Variants in HDHD2 observed in about 807,000 individuals in gnomAD.
HDHD2 encodes the protein haloacid dehalogenase like hydrolase domain containing 2.
Under a neutral mutation model 24.8 loss-of-function variants are expected in HDHD2, and 26 were observed. The ratio of observed to expected loss-of-function variants is 1.05; its 90% confidence interval spans 0.77 to 1.45. The LOEUF (loss-of-function observed/expected upper bound fraction) is 1.45. Among genes scored for constraint, HDHD2 ranks in the 40% most tolerant of loss-of-function variants. The pLI is 0.00. For missense variants in HDHD2, 299 were observed against 313.4 expected, an observed-to-expected ratio of 0.95 and a Z score of 0.35; for synonymous variants, 128 against 114.9, an observed-to-expected ratio of 1.11 and a Z score of -0.73.
At position 47,134,619 on chromosome 18, in the gene HDHD2, A is replaced by G. The variant is rs751675721; in HGVS notation, c.187T>C (p.Leu63=). 15 of 1,613,910 alleles carry G rather than the reference A, an allele frequency of 9.3e-6. No individual in the cohort carries two copies. Among genetic ancestry groups the G allele is most frequent in the African/African-American group, 2.7e-5 (2 of 74,898 alleles). ...TCATCTTCAGAGATATCAAATTCCA[A>G]TTTTCTCAACCTTTCTAACAGGTCT... ...KQDLLERLRK[L]EFDISEDEIF... Residue 63 remains leucine (L), a synonymous_variant, in exon 3 of 7, where the codon TTG becomes CTG. Transcript: ENST00000300605.
chr18:47,110,165 G>C (rs1009817105), intron 6 of HDHD2: 1 of 985,266 alleles, frequency 1.0e-6, no homozygotes. Flanking sequence ...ACTACTTTAA[G>C]AGGCTTTGCC....
intron 1 of HDHD2, among the ~76,000 whole-genome samples, chr18:47,138,095 C>G (rs1373861839): frequency 7.1e-6 from 1 of 141,826 alleles, no homozygotes; most frequent in Non-Finnish European, 1.5e-5. Flanking sequence ...TCACTTGAAC[C>G]CGGGAAGTGG....
At chr18:47,137,026 CA>C in intron 1 of HDHD2, 2 of 687,742 alleles carry the variant, frequency 2.9e-6, no homozygotes, top group Non-Finnish European at 2.7e-6. Flanking sequence ...CCATGGCCAA[CA>C]AAAAGCCCAA....
intron 4 of HDHD2, among the ~76,000 whole-genome samples, chr18:47,126,094 C>G (rs911388407): frequency 6.6e-6 from 1 of 152,166 alleles, no homozygotes; most frequent in Non-Finnish European, 1.5e-5. Context: ...ATCTCAAGTT[C>G]TGAAGTCTTA....
At position 47,111,010 on chromosome 18, in the gene HDHD2, A is replaced by G. The variant is rs118154849; in HGVS notation, c.676+1967T>C. 1,861 of 985,112 alleles carry G rather than the reference A, an allele frequency of 1.9e-3. 4 individuals are homozygous for G. Among genetic ancestry groups the G allele is most frequent in the Non-Finnish European group, 2.1e-3 (1,709 of 829,642 alleles). 61.0% of individuals were successfully genotyped at this position (985,112 alleles called of 1,614,324 possible). On this transcript the variant is annotated intron_variant, in intron 6 of 6. Transcript: ENST00000300605. The stretch of plus-strand genomic sequence containing the variant: ...TTTACGGTTATTTTCAACACTGGGA[A>G]GCCTAGCACTTGTCCACTGCACTGA...
At position 47,128,680 on chromosome 18, in the gene HDHD2, A is replaced by G. The variant is rs564228669; in HGVS notation, c.395+1564T>C. Among the ~76,000 whole-genome samples, 3 of 152,378 alleles carry G rather than the reference A, an allele frequency of 2.0e-5. No individual in the cohort carries two copies. The East Asian group carries it at 5.8e-4, about 29-fold the overall frequency. ...CCTTTTAAACAAGAGCTTGACTATC[A>G]CAGTGACTAGAGTCACAAATAAAAG... On this transcript the variant is annotated intron_variant, in intron 4 of 6. Transcript: ENST00000300605.
Position 47,115,134 on chromosome 18 carries a change from C to G in HDHD2, c.610G>C (p.Asp204His). The change falls in exon 5 of 7, where the codon GAT becomes CAT. Residue 204 changes from aspartate to histidine, a missense_variant and splice_region_variant. Physicochemically the swap from Asp to His is moderately conservative, Grantham distance 81. Coordinates refer to ENST00000300605, the MANE Select transcript of HDHD2 (RefSeq NM_032124.5). Reference protein sequence around the residue: ...CEPEEAVMIGDDCRDDVGGAQ... With the variant: ...CEPEEAVMIGHDCRDDVGGAQ... ...ACCTCCTGGGTTCTTCTACTTACATCTCCTATCATGACAGCCTCCTCAGGT... is the reference window on the plus strand; with the variant it reads ...ACCTCCTGGGTTCTTCTACTTACATGTCCTATCATGACAGCCTCCTCAGGT... 1 of 1,611,692 alleles carries G rather than the reference C, an allele frequency of 6.2e-7. No homozygotes were observed. Among genetic ancestry groups the G allele is most frequent in the Non-Finnish European group, 8.5e-7 (1 of 1,178,476 alleles).
At chr18:47,137,693 A>G (rs1292309362) in intron 1 of HDHD2, among the ~76,000 whole-genome samples, 2 of 152,236 alleles carry the variant, frequency 1.3e-5, no homozygotes, top group East Asian at 3.8e-4. Context: ...ATCTTGTTCA[A>G]TTGGAGAATT....
rs200911484 is a variant in HDHD2, at chr18:47,129,613, CA to C, written c.395+630del. 2.1e-4 allele frequency among the ~76,000 whole-genome samples: 32 copies of C among 152,276 alleles called. 1 individual carries two copies. In the East Asian group the frequency reaches 4.6e-3, roughly 22 times the overall value. ...AGTTCACCGTATCATTACCACTCAT[CA>C]AATAATTTATTTTAAAGTGTGGTCA... On this transcript the variant is annotated intron_variant, in intron 4 of 6. Coordinates refer to ENST00000300605, the MANE Select transcript of HDHD2 (RefSeq NM_032124.5).
intron 3 of HDHD2, 75 bp from the exon 4 acceptor site, chr18:47,130,403 G>A (rs1343702110): frequency 1.1e-6 from 1 of 940,530 alleles, no homozygotes; most frequent in African/African-American, 1.7e-5. Context: ...AGTAGTCTTA[G>A]TCAATCAAGT....
At chr18:47,131,747 TA>T (rs1306146795) in intron 3 of HDHD2, among the ~76,000 whole-genome samples, 1 of 151,906 alleles carries the variant, frequency 6.6e-6, no homozygotes, top group African/African-American at 2.4e-5. Context: ...TACCTTTAAT[TA>T]AAAAAAATAC....
intron 6 of HDHD2, chr18:47,111,687 C>T: frequency 1.0e-6 from 1 of 985,418 alleles, no homozygotes; most frequent in Non-Finnish European, 1.2e-6. Flanking sequence ...CAATGGTTCA[C>T]TTCAGGCCCC....
intron 6 of HDHD2, chr18:47,111,367 T>TAAAA (rs547835822): frequency 8.6e-6 from 6 of 700,006 alleles, no homozygotes; most frequent in Admixed American, 2.3e-4. Flanking sequence ...TTACATGAGC[T>TAAAA]AAAAAAAAAA....
At position 47,130,680 on chromosome 18, in the gene HDHD2, A is replaced by T. The variant is rs551145151; in HGVS notation, c.311-352T>A. On this transcript the variant is annotated intron_variant, in intron 3 of 6. Transcript: ENST00000300605. ...TCAAAATGCTTTACTGATTACAATCAACAATAACTGCCATGAGTTCCCTAT... is the reference window on the plus strand; with the variant it reads ...TCAAAATGCTTTACTGATTACAATCTACAATAACTGCCATGAGTTCCCTAT... Among the ~76,000 whole-genome samples, 95 of 152,362 alleles carry T rather than the reference A, an allele frequency of 6.2e-4. 2 individuals are homozygous for T. Among genetic ancestry groups the T allele is most frequent in the Admixed American group, 4.1e-3 (62 of 15,304 alleles).
At chr18:47,126,084 A>T (rs182495457) in intron 4 of HDHD2, among the ~76,000 whole-genome samples, 10 of 152,326 alleles carry the variant, frequency 6.6e-5, no homozygotes, top group Admixed American at 6.5e-4. Flanking sequence ...TGCTTTAAAC[A>T]TCTCAAGTTC....
At chr18:47,111,916 C>T (rs1329250251) in intron 6 of HDHD2, 5 of 495,226 alleles carry the variant, frequency 1.0e-5, no homozygotes, top group Non-Finnish European at 1.3e-5. Flanking sequence ...CTTCTGTAAA[C>T]AGCCAATTAA....
chr18:47,111,032 C>T (rs1398946033), intron 6 of HDHD2: 8 of 985,258 alleles, frequency 8.1e-6, no homozygotes, highest in Non-Finnish European at 9.6e-6. Context: ...GTCCACTGCA[C>T]TGAGTTAAAA....
At chr18:47,145,844 G>A (rs1018777285) in intron 1 of HDHD2, among the ~76,000 whole-genome samples, 8 of 152,150 alleles carry the variant, frequency 5.3e-5, no homozygotes, top group Non-Finnish European at 1.0e-4. Flanking sequence ...TGTGGGAAAA[G>A]ACGAGATTCC....
At position 47,107,697 on chromosome 18, in the gene HDHD2, G is replaced by A. The variant is rs1039412495; in HGVS notation, c.*985C>T. 6 of 152,452 alleles carry A rather than the reference G, an allele frequency of 3.9e-5. No homozygotes were observed. The highest frequency in any genetic ancestry group is 9.7e-5 in the African/African-American group (4 of 41,408). 9.4% of individuals were successfully genotyped at this position (152,452 alleles called of 1,614,324 possible). On this transcript the variant is annotated 3_prime_UTR_variant, in exon 7 of 7. Transcript: ENST00000300605. Reference sequence around the variant, plus strand: ...AGAAGAATAATCCATGCTACAAGACGAGATTTCATTTTACAGCTGTAGTAA... The same window carrying A: ...AGAAGAATAATCCATGCTACAAGACAAGATTTCATTTTACAGCTGTAGTAA...
Sources: allele counts gnomAD v4.1 joint callset (sites outside exome capture counted in the v4.1 genomes callset), GRCh38; gene constraint gnomAD v4.1.1; transcripts MANE v1.5; gene names NCBI Gene and HGNC (gene_info 2026-07-23, HGNC 2026-07-21).